Variants in CAPN8 observed in about 807,000 individuals in gnomAD.
CAPN8 encodes the protein calpain 8.
CAPN8 carries 87 observed loss-of-function variants against 80.9 expected under a neutral mutation model. That is an observed-to-expected ratio of 1.07 (90% CI 0.90 to 1.28). The LOEUF is 1.28. Ranked by LOEUF, CAPN8 falls within the 50% of genes most tolerant of loss-of-function variation. The pLI is 0.00. For synonymous variants in CAPN8, 299 were observed against 273.8 expected, an observed-to-expected ratio of 1.09 and a Z score of -0.91; for missense variants, 757 against 702.0, an observed-to-expected ratio of 1.08 and a Z score of -0.89.
At chr1:223,623,039 C>T in intron 6 of CAPN8, 139 bp from the exon 7 acceptor site, 1 of 644,402 alleles carries the variant, frequency 1.6e-6, no homozygotes, top group East Asian at 2.8e-5. Context: ...TTTAATGCAT[C>T]TTTTCAGGCT....
At position 223,665,394 on chromosome 1, in the gene CAPN8, A is replaced by G. The variant is rs765427174; in HGVS notation, c.237+16T>C. On this transcript the variant is annotated intron_variant, in intron 1 of 20. Coordinates refer to ENST00000366872, the MANE Select transcript of CAPN8 (RefSeq NM_001143962.2). ...TCCACCTTGTATGTCACTCAACAGC[A>G]AGCCCGCTTCCTTACCGTGGGCCGC... 1.3e-6 allele frequency: 2 copies of G among 1,546,556 alleles called. No individual in the cohort carries two copies. The highest frequency in any genetic ancestry group is 1.2e-5 in the South Asian group (1 of 83,912).
intron 1 of CAPN8, among the ~76,000 whole-genome samples, chr1:223,660,231 C>G (rs1240419835): frequency 6.6e-6 from 1 of 152,102 alleles, no homozygotes; most frequent in Non-Finnish European, 1.5e-5. Flanking sequence ...ACTTAATTGC[C>G]AAAAAGTGGA....
chr1:223,644,133 A>T, intron 2 of CAPN8: 1 of 341,268 alleles, frequency 2.9e-6, no homozygotes, highest in Non-Finnish European at 5.7e-6. Context: ...TATGTACCCG[A>T]GTAATATTAT....
chr1:223,656,463 AAAC>A (rs937236148), intron 1 of CAPN8, among the ~76,000 whole-genome samples: 2 of 152,006 alleles, frequency 1.3e-5, no homozygotes, highest in Non-Finnish European at 2.9e-5. Flanking sequence ...TCCATCTCAA[AAAC>A]AACAACAACA....
At chr1:223,609,668 G>T (rs1008875311) in intron 11 of CAPN8, among the ~76,000 whole-genome samples, 10 of 152,128 alleles carry the variant, frequency 6.6e-5, no homozygotes, top group Non-Finnish European at 1.3e-4. Flanking sequence ...CTTCTCTCTG[G>T]ATATTTTTCC....
At chr1:223,619,758 G>A (rs748780109) in intron 8 of CAPN8, among the ~76,000 whole-genome samples, 1 of 152,192 alleles carries the variant, frequency 6.6e-6, no homozygotes, top group African/African-American at 2.4e-5. Flanking sequence ...CTCTAGATTG[G>A]GTTAAGTCTA....
chr1:223,609,412 A>G (rs1045341565), intron 11 of CAPN8, 48 bp from the exon 12 acceptor site: 5 of 398,434 alleles, frequency 1.3e-5, no homozygotes, highest in South Asian at 2.6e-4. Context: ...ATCCTGGAAG[A>G]TGAGAGCCCA....
At position 223,624,859 on chromosome 1, in the gene CAPN8, T is replaced by C. The variant is rs549084612; in HGVS notation, c.813+946A>G. ...CCTGTAATCCCAGCACTTTGGGAGG[T>C]CGAGGCGGGCAGATCATGAGGTCAG... On this transcript the variant is annotated intron_variant, in intron 6 of 20. Coordinates refer to ENST00000366872, the MANE Select transcript of CAPN8 (RefSeq NM_001143962.2). 4.7e-5 allele frequency among the ~76,000 whole-genome samples: 7 copies of C among 148,604 alleles called. No homozygotes were observed. In the South Asian group the frequency reaches 1.3e-3, roughly 27 times the overall value.
At chr1:223,547,654 C>T (rs1656660377) in intron 16 of CAPN8, among the ~76,000 whole-genome samples, 1 of 151,990 alleles carries the variant, frequency 6.6e-6, no homozygotes. Flanking sequence ...TTTAAGGATT[C>T]CATGGGTATT....
At chr1:223,650,602 G>C (rs1435841808) in intron 2 of CAPN8, among the ~76,000 whole-genome samples, 1 of 152,202 alleles carries the variant, frequency 6.6e-6, no homozygotes, top group African/African-American at 2.4e-5. Flanking sequence ...CCAACCTGTA[G>C]ATACCAACAG....
chr1:223,616,094 T>C lies in CAPN8; in HGVS notation c.1187A>G (p.Glu396Gly). Reference sequence around the variant, plus strand: ...TTCACCGATGCTCTCCTCCTGGTCCTCATCCACTTCATCCAAACGGATTTT... The same window carrying C: ...TTCACCGATGCTCTCCTCCTGGTCCCCATCCACTTCATCCAAACGGATTTT... Reference protein sequence around the residue: ...QFKIRLDEVDEDQEESIGEPC... With the variant: ...QFKIRLDEVDGDQEESIGEPC... Residue 396 changes from glutamate (E) to glycine (G), a missense_variant, in exon 10 of 21, where the codon GAG (glutamate) becomes GGG (glycine). By Grantham distance (98) the Glu-to-Gly change is moderately conservative (BLOSUM62 -2). Transcript: ENST00000366872. 1 of 1,551,922 alleles carries C rather than the reference T, an allele frequency of 6.4e-7. No individual in the cohort carries two copies. Among genetic ancestry groups the C allele is most frequent in the Non-Finnish European group, 8.7e-7 (1 of 1,147,008 alleles).
intron 6 of CAPN8, among the ~76,000 whole-genome samples, chr1:223,624,372 T>G (rs1657502219): frequency 2.0e-5 from 3 of 152,200 alleles, no homozygotes; most frequent in Admixed American, 2.0e-4. Flanking sequence ...TTGATGTATT[T>G]TACTTAGTTG....
At chr1:223,624,211 G>A (rs1039762703) in intron 6 of CAPN8, among the ~76,000 whole-genome samples, 7 of 152,138 alleles carry the variant, frequency 4.6e-5, no homozygotes, top group African/African-American at 1.7e-4. Context: ...CGAGTAGCTG[G>A]AACTACAGGC....
intron 1 of CAPN8, 60 bp downstream of exon 1, chr1:223,665,350 T>C: frequency 1.5e-6 from 2 of 1,374,180 alleles, no homozygotes; most frequent in Non-Finnish European, 2.0e-6. Context: ...CAGTTCCTCC[T>C]GATCAGATGT....
chr1:223,648,614 TG>T lies in CAPN8; in HGVS notation c.307+5715del, dbSNP rs373868327. ...GCGTGGACTCACAGAGGAAAATCAA[TG>T]TGCAGGATGCAGAAGAGAAGGCAAC... On this transcript the variant is annotated intron_variant, in intron 2 of 20. Transcript: ENST00000366872. 1.9e-3 allele frequency among the ~76,000 whole-genome samples: 294 copies of T among 152,256 alleles called. 1 individual carries two copies. The highest frequency in any genetic ancestry group is 6.3e-3 in the African/African-American group (261 of 41,554).
chr1:223,642,633 C>T (rs1394217022), intron 2 of CAPN8: 1 of 369,468 alleles, frequency 2.7e-6, no homozygotes, highest in Non-Finnish European at 5.2e-6. Flanking sequence ...GAGGAAAGAA[C>T]AGGAAAGGCT....
At chr1:223,548,455 C>A (rs1332350303) in intron 16 of CAPN8, among the ~76,000 whole-genome samples, 1 of 152,178 alleles carries the variant, frequency 6.6e-6, no homozygotes, top group South Asian at 2.1e-4. Flanking sequence ...TATGCTGAAA[C>A]CCAATCCTCA....
chr1:223,652,749 C>A lies in CAPN8; in HGVS notation c.307+1581G>T, dbSNP rs111894334. On this transcript the variant is annotated intron_variant, in intron 2 of 20. Coordinates refer to ENST00000366872, the MANE Select transcript of CAPN8 (RefSeq NM_001143962.2). The stretch of plus-strand genomic sequence containing the variant: ...TTGGACTCCCCAGCCCCTTTCCGCT[C>A]TGTTCATTAAAAACCACCACTGCAG... Among the ~76,000 whole-genome samples the A allele has an allele frequency of 4.9e-3, 744 of 152,238 alleles. 8 individuals carry two copies. Among genetic ancestry groups the A allele is most frequent in the African/African-American group, 0.016 (671 of 41,552 alleles).
chr1:223,640,088 A>G (rs978565423), intron 2 of CAPN8, among the ~76,000 whole-genome samples: 10 of 151,916 alleles, frequency 6.6e-5, no homozygotes, highest in African/African-American at 7.3e-5. Flanking sequence ...TCACTTTCCA[A>G]TTGCCACAAA....
Sources: gnomAD v4.1 joint callset for allele counts (sites outside exome capture counted in the v4.1 genomes callset) on GRCh38, gnomAD v4.1.1 for gene constraint, MANE v1.5 for transcripts, NCBI Gene and HGNC (gene_info 2026-07-23, HGNC 2026-07-21) for gene names.